EFNA5: variants seen among roughly 807,000 people sequenced by gnomAD.
EFNA5 encodes ephrin-A5.
EFNA5 carries 5 observed loss-of-function variants against 22.9 expected under a neutral mutation model. The observed-to-expected ratio is 0.22, with a 90% CI of 0.11 to 0.46. EFNA5 has a LOEUF of 0.46. EFNA5 is among the 20% of genes least tolerant of loss of function. The pLI is 0.99. For synonymous variants in EFNA5, 113 were observed against 112.2 expected, an observed-to-expected ratio of 1.01 and a Z score of -0.04; for missense variants, 237 against 293.3, an observed-to-expected ratio of 0.81 and a Z score of 1.40.
intron 1 of EFNA5, among the ~76,000 whole-genome samples, chr5:107,488,633 G>A (rs1746711619): frequency 6.6e-6 from 1 of 152,124 alleles, no homozygotes; most frequent in African/African-American, 2.4e-5. Context: ...CACTTCTTAA[G>A]AAGACACACA....
chr5:107,572,597 C>T (rs947727321), intron 1 of EFNA5, among the ~76,000 whole-genome samples: 1 of 152,146 alleles, frequency 6.6e-6, no homozygotes, highest in African/African-American at 2.4e-5. Context: ...TTTACTATAA[C>T]GTTAACAGTA....
At chr5:107,659,496 CTTT>C (rs550340874) in intron 1 of EFNA5, among the ~76,000 whole-genome samples, 7 of 129,244 alleles carry the variant, frequency 5.4e-5, no homozygotes, top group African/African-American at 1.1e-4. Context: ...TTGGGTTTTC[CTTT>C]TTTTTTTTTT....
intron 1 of EFNA5, among the ~76,000 whole-genome samples, chr5:107,551,001 A>G (rs1390813445): frequency 6.6e-6 from 1 of 152,230 alleles, no homozygotes; most frequent in Non-Finnish European, 1.5e-5. Context: ...CCCTACATTA[A>G]TAAGGTGTTT....
At chr5:107,622,672 T>C (rs1750058833) in intron 1 of EFNA5, among the ~76,000 whole-genome samples, 1 of 152,188 alleles carries the variant, frequency 6.6e-6, no homozygotes, top group South Asian at 2.1e-4. Flanking sequence ...ATTTTCATTT[T>C]ACTCCTTAGA....
intron 1 of EFNA5, among the ~76,000 whole-genome samples, chr5:107,607,903 T>G (rs918051931): frequency 9.2e-5 from 14 of 152,128 alleles, no homozygotes; most frequent in African/African-American, 3.4e-4. Flanking sequence ...ACTTCTCTCA[T>G]AACCTTCCAA....
At chr5:107,544,094 C>G (rs1748100195) in intron 1 of EFNA5, among the ~76,000 whole-genome samples, 2 of 152,110 alleles carry the variant, frequency 1.3e-5, no homozygotes, top group Admixed American at 1.3e-4. Flanking sequence ...GTAATCTAAA[C>G]CTTGTTACTT....
intron 4 of EFNA5, 113 bp downstream of exon 4, chr5:107,387,122 A>G: frequency 2.9e-6 from 2 of 680,478 alleles, no homozygotes; most frequent in Admixed American, 3.0e-5. Flanking sequence ...AATGAGCAAA[A>G]GCAGAACAAC....
intron 1 of EFNA5, among the ~76,000 whole-genome samples, chr5:107,468,110 A>G (rs570085141): frequency 1.3e-5 from 2 of 152,232 alleles, no homozygotes; most frequent in African/African-American, 4.8e-5. Context: ...TTTTAAAAGC[A>G]GAGTTATGCA....
At position 107,380,722 on chromosome 5, in the gene EFNA5, A is replaced by G. The variant is rs1404741543; in HGVS notation, c.*533T>C. 1 of 398,642 alleles carries G rather than the reference A, an allele frequency of 2.5e-6. No individual in the cohort carries two copies. The highest frequency in any genetic ancestry group is 4.4e-6 in the Non-Finnish European group (1 of 226,308). The allele number at this position is 398,642 out of a possible 1,614,324, so 24.7% of individuals were successfully genotyped here. On this transcript the variant is annotated 3_prime_UTR_variant, in exon 5 of 5. Transcript: ENST00000333274. ...ATACTCCTATAGGAAATGGTGTAAT[A>G]TCGTATCTATTCTTAATACCTCCCC...
chr5:107,401,773 G>T (rs983847751), intron 2 of EFNA5, among the ~76,000 whole-genome samples: 2 of 152,140 alleles, frequency 1.3e-5, no homozygotes, highest in African/African-American at 2.4e-5. Flanking sequence ...GCTTTTGCAG[G>T]GCCAAGCCAC....
At chr5:107,625,041 T>G (rs1057167373) in intron 1 of EFNA5, among the ~76,000 whole-genome samples, 4 of 152,166 alleles carry the variant, frequency 2.6e-5, no homozygotes, top group Non-Finnish European at 5.9e-5. Context: ...TTAACGCAAT[T>G]CAAAATGTGA....
At chr5:107,659,214 C>T (rs1750890973) in intron 1 of EFNA5, among the ~76,000 whole-genome samples, 1 of 152,060 alleles carries the variant, frequency 6.6e-6, no homozygotes, top group South Asian at 2.1e-4. Flanking sequence ...AGTGTGAAAA[C>T]TTTGGAAAAA....
At chr5:107,459,375 T>G (rs1179103547) in intron 1 of EFNA5, among the ~76,000 whole-genome samples, 2 of 91,474 alleles carry the variant, frequency 2.2e-5, no homozygotes, top group African/African-American at 4.5e-5. Flanking sequence ...TTGGAACACA[T>G]GAAAAAAAAA....
intron 1 of EFNA5, among the ~76,000 whole-genome samples, chr5:107,532,890 T>C (rs1030638258): frequency 2.0e-5 from 3 of 152,238 alleles, no homozygotes; most frequent in Non-Finnish European, 2.9e-5. Context: ...CACACCACTG[T>C]TAAGGTCTGA....
chr5:107,377,174 G>A lies in EFNA5; in HGVS notation c.*4081C>T, dbSNP rs1323484479. On this transcript the variant is annotated 3_prime_UTR_variant, in exon 5 of 5. Coordinates refer to ENST00000333274, the MANE Select transcript of EFNA5 (RefSeq NM_001962.3). Reference sequence around the variant, plus strand: ...ATGGGGTGTCAAGAGTAAGCATGGAGAGCGGATTTTGACTCATGGGTAACC... The same window carrying A: ...ATGGGGTGTCAAGAGTAAGCATGGAAAGCGGATTTTGACTCATGGGTAACC... 1.3e-5 allele frequency: 2 copies of A among 152,228 alleles called. 1 individual carries two copies. Among genetic ancestry groups the A allele is most frequent in the African/African-American group, 4.8e-5 (2 of 41,426 alleles). The allele number at this position is 152,228 out of a possible 1,614,324, so 9.4% of individuals were successfully genotyped here. A position where few individuals can be genotyped will look rare whatever the true frequency, so the allele number is the denominator to read the frequency against.
At chr5:107,641,856 T>A (rs1283435105) in intron 1 of EFNA5, among the ~76,000 whole-genome samples, 1 of 152,126 alleles carries the variant, frequency 6.6e-6, no homozygotes, top group East Asian at 1.9e-4. Context: ...TATTTAAAAA[T>A]CAATGACTGT....
At position 107,670,360 on chromosome 5, in the gene EFNA5, G is replaced by T. The variant is rs2112567328; in HGVS notation, c.125+129C>A. ...TTCCCGCCGACGCCTCAAGCCATCA[G>T]CGCCCGGGCGACGCAGGCTCCGAGG... is the stretch of plus-strand genomic sequence containing the variant. On this transcript the variant is annotated intron_variant, in intron 1 of 4. Transcript: ENST00000333274. 7 of 1,255,574 alleles carry T rather than the reference G, an allele frequency of 5.6e-6. No individual in the cohort carries two copies. In the South Asian group the frequency reaches 1.3e-4, roughly 22 times the overall value. 77.8% of individuals were successfully genotyped at this position (1,255,574 alleles called of 1,614,324 possible).
At chr5:107,621,085 T>TAA (rs1348220980) in intron 1 of EFNA5, among the ~76,000 whole-genome samples, 3 of 152,196 alleles carry the variant, frequency 2.0e-5, no homozygotes, top group African/African-American at 7.2e-5. Context: ...AATCATCCTT[T>TAA]AGGAAATGTG....
chr5:107,501,854 T>A (rs1747144029), intron 1 of EFNA5, among the ~76,000 whole-genome samples: 1 of 152,150 alleles, frequency 6.6e-6, no homozygotes. Flanking sequence ...GGCCATAAGG[T>A]CAAAATAATA....
Sources: gnomAD v4.1 joint callset for allele counts (sites outside exome capture counted in the v4.1 genomes callset) on GRCh38, gnomAD v4.1.1 for gene constraint, MANE v1.5 for transcripts, NCBI Gene and HGNC (gene_info 2026-07-23, HGNC 2026-07-21) for gene names.